Variants in C12orf76 observed in about 807,000 individuals in gnomAD.
The protein encoded by C12orf76 is uncharacterized protein C12orf76.
Under a neutral mutation model 6.8 loss-of-function variants are expected in C12orf76, and 6 were observed. That is an observed-to-expected ratio of 0.88 (90% confidence interval 0.48 to 1.73). C12orf76 has a LOEUF of 1.73. C12orf76 is among the 40% of genes most tolerant of loss of function. The pLI is 0.01. For synonymous variants in C12orf76, 56 were observed against 43.7 expected, an observed-to-expected ratio of 1.28 and a Z score of -1.11; for missense variants, 99 against 98.2, an observed-to-expected ratio of 1.01 and a Z score of -0.03.
Position 110,048,376 on chromosome 12 carries a change from T to G in C12orf76, c.120A>C (p.Arg40=). The G allele has an allele frequency of 6.6e-7, 1 of 1,515,454 alleles. No individual in the cohort carries two copies. The highest frequency in any genetic ancestry group is 8.8e-7 in the Non-Finnish European group (1 of 1,137,204). The allele number at this position is 1,515,454 out of a possible 1,614,324, so 93.9% of individuals were successfully genotyped here. Residue 40 remains arginine, a synonymous_variant, in exon 1 of 2, where the codon CGA becomes CGC. Transcript: ENST00000615315. ...LERSRPYAVL[R]GQNLVLMGTI... ...AGGGCCGCTCACCCAGGTTCTGCCC[T>G]CGCAGCACCGCGTACGGCCGGCTCC...
chr12:110,056,252 G>A (rs1055710993), intron 4 of C12orf76, among the ~76,000 whole-genome samples: 1 of 152,056 alleles, frequency 6.6e-6, no homozygotes, highest in African/African-American at 2.4e-5. Context: ...GACCTTGCTT[G>A]GTGACTAAGG....
At chr12:110,073,516 C>T (rs1421742818) in exon 1 of C12orf76, 3 of 521,152 alleles carry the variant, frequency 5.8e-6, no homozygotes, top group Non-Finnish European at 1.2e-5. Flanking sequence ...TACAGGAAAA[C>T]ATCACTGCAG....
At chr12:110,059,287 C>T in intron 2 of C12orf76, 1 of 1,188,132 alleles carries the variant, frequency 8.4e-7, no homozygotes, top group South Asian at 1.7e-5. Flanking sequence ...TCGGGATTCT[C>T]CATATATGGG....
chr12:110,063,278 TTTTA>T lies in C12orf76; in HGVS notation n.380+2578_380+2581del, dbSNP rs540177407. 7.4e-4 allele frequency among the ~76,000 whole-genome samples: 112 copies of T among 151,594 alleles called. 1 individual carries two copies. The highest frequency in any genetic ancestry group is 7.0e-3 in the Admixed American group (107 of 15,204). On this transcript the variant is annotated intron_variant and non_coding_transcript_variant, in intron 2 of 4. Coordinates refer to the C12orf76 transcript ENST00000309050. ...TTAATTTTTAAAATTGTCTCAATAT[TTTTA>T]TTTATTTTTTATTGTTTTGAGACGA...
upstream of C12orf76, among the ~76,000 whole-genome samples, chr12:110,069,455 A>G (rs1483959149): frequency 6.6e-6 from 1 of 152,158 alleles, no homozygotes; most frequent in Non-Finnish European, 1.5e-5. Context: ...AAACAAACAA[A>G]CAAAAAAACC....
chr12:110,060,641 G>T (rs1039622985), intron 2 of C12orf76, among the ~76,000 whole-genome samples: 2 of 152,124 alleles, frequency 1.3e-5, no homozygotes, highest in Non-Finnish European at 2.9e-5. Context: ...CTCCGGGGTC[G>T]GTTCTAGGCC....
At chr12:110,046,232 C>A (rs60968289) in intron 1 of C12orf76, among the ~76,000 whole-genome samples, 1 of 152,004 alleles carries the variant, frequency 6.6e-6, no homozygotes, top group African/African-American at 2.4e-5. Context: ...TCGAGACCAT[C>A]CTGGCCAACA....
intron 1 of C12orf76, among the ~76,000 whole-genome samples, chr12:110,046,226 G>A (rs2137217164): frequency 6.6e-6 from 1 of 152,260 alleles, no homozygotes; most frequent in Admixed American, 6.5e-5. Flanking sequence ...AAGAGATCGA[G>A]ACCATCCTGG....
intron 2 of C12orf76, among the ~76,000 whole-genome samples, chr12:110,062,729 C>G (rs1464919819): frequency 6.6e-6 from 1 of 151,152 alleles, no homozygotes; most frequent in Non-Finnish European, 1.5e-5. Flanking sequence ...AAGCGATCCT[C>G]CCACCTCAGC....
At chr12:110,050,843 G>A (rs183207348), upstream of C12orf76, 2 of 603,596 alleles carry the variant, frequency 3.3e-6, no homozygotes, top group South Asian at 2.0e-5. Flanking sequence ...TCTTTCTTGC[G>A]CTAGATCCAA....
rs770659586 is a variant in C12orf76, at chr12:110,042,449, T to C, written c.144A>G (p.Gly48=). Residue 48 remains glycine, a synonymous_variant, in exon 2 of 2, where the codon GGA becomes GGG. Transcript: ENST00000615315. ...TCACCAGCAGGATGCTGAAAATGGT[T>C]CCCATCAACACTGCAAAGGGAAAAC... ...VLRGQNLVLM[G]TIFSILLVTV... 1.0e-4 allele frequency: 169 copies of C among 1,612,784 alleles called. No individual in the cohort carries two copies. The highest frequency in any genetic ancestry group is 1.4e-4 in the Non-Finnish European group (160 of 1,178,880).
upstream of C12orf76, chr12:110,048,589 T>C: frequency 7.5e-7 from 1 of 1,325,718 alleles, no homozygotes. Context: ...CCACCGCCCT[T>C]AGGGCGCGCG....
At chr12:110,047,749 C>G (rs533115455) in intron 1 of C12orf76, among the ~76,000 whole-genome samples, 1 of 152,178 alleles carries the variant, frequency 6.6e-6, no homozygotes, top group Non-Finnish European at 1.5e-5. Flanking sequence ...CAAATGAATT[C>G]GCGTATACAA....
At chr12:110,063,231 C>T (rs550935013) in intron 2 of C12orf76, among the ~76,000 whole-genome samples, 67 of 152,214 alleles carry the variant, frequency 4.4e-4, no homozygotes, top group African/African-American at 1.6e-3. Context: ...TGAGCCACCA[C>T]ACCCAGCCCC....
Position 110,054,523 on chromosome 12 carries a change from A to G in C12orf76, n.664+2666T>C, listed in dbSNP as rs1892637506. Among the ~76,000 whole-genome samples the G allele has an allele frequency of 6.6e-6, 1 of 152,204 alleles. No individual in the cohort carries two copies. Among genetic ancestry groups the G allele is most frequent in the African/African-American group, 2.4e-5 (1 of 41,454 alleles). ...AGGTAAATCCATAGAGACAGAGAGT[A>G]GATTGGTAGTTGCAGGGGACAGAGG... On this transcript the variant is annotated intron_variant and non_coding_transcript_variant, in intron 4 of 4. Transcript: ENST00000309050. The surrounding 1 kb of genome is among the most constrained non-coding windows in gnomAD (Gnocchi z 4.4).
intron 4 of C12orf76, among the ~76,000 whole-genome samples, chr12:110,056,414 G>A (rs1892667228): frequency 6.6e-6 from 1 of 152,096 alleles, no homozygotes; most frequent in Non-Finnish European, 1.5e-5. Flanking sequence ...GAGCTAACAG[G>A]GGTGTGAAGA....
upstream of C12orf76, chr12:110,051,280 TGTGACTC>T: frequency 1.4e-6 from 1 of 717,674 alleles, no homozygotes; most frequent in Non-Finnish European, 2.5e-6. Context: ...CTTGCTTCCG[TGTGACTC>T]GTTTTCCCTC....
At chr12:110,044,135 A>G (rs1449988972) in intron 1 of C12orf76, 1 of 152,144 alleles carries the variant, frequency 6.6e-6, no homozygotes, top group Non-Finnish European at 1.5e-5. Context: ...CGATCTTGGG[A>G]AGCATTCAAA....
chr12:110,067,428 T>C (rs1892885745), intron 1 of C12orf76: 2 of 985,234 alleles, frequency 2.0e-6, no homozygotes, highest in Middle Eastern at 5.2e-4. Flanking sequence ...ACTTCAGAAA[T>C]CCCTGGAATT....
Sources: allele counts gnomAD v4.1 joint callset (sites outside exome capture counted in the v4.1 genomes callset), GRCh38; gene constraint gnomAD v4.1.1; non-coding constraint Gnocchi (gnomAD v3.1); transcripts MANE v1.5; gene names NCBI Gene and HGNC (gene_info 2026-07-23, HGNC 2026-07-21).